Variants in DPP6 observed in about 807,000 individuals in gnomAD.
DPP6 encodes the protein A-type potassium channel modulatory protein DPP6.
In DPP6, 69 loss-of-function variants were observed where a neutral mutation model predicts 122.6. The ratio of observed to expected loss-of-function variants is 0.56; its 90% CI spans 0.46 to 0.69. The LOEUF (loss-of-function observed/expected upper bound fraction) is 0.69. Ranked by LOEUF, DPP6 falls within the 30% of genes least tolerant of loss-of-function variation. The pLI is 0.00. For synonymous variants in DPP6, 418 were observed against 433.1 expected (o/e 0.97, Z 0.43); for missense variants, 928 against 1,116.9 (o/e 0.83, Z 2.41).
intron 10 of DPP6, among the ~76,000 whole-genome samples, chr7:154,777,147 C>T (rs952781686): frequency 2.6e-5 from 4 of 152,154 alleles, no homozygotes; most frequent in Admixed American, 1.3e-4. Flanking sequence ...CTGTGTGAGG[C>T]CCTTGGGTGA....
At chr7:153,966,187 CATT>C in intron 1 of DPP6, among the ~76,000 whole-genome samples, 1 of 135,658 alleles carries the variant, frequency 7.4e-6, no homozygotes, top group East Asian at 2.3e-4. Context: ...GAATCTTTCA[CATT>C]GTGAGCTGAT....
At chr7:153,870,823 T>C in the DPP6 span, among the ~76,000 whole-genome samples, 2 of 152,096 alleles carry the variant, frequency 1.3e-5, no homozygotes, top group African/African-American at 4.8e-5. Context: ...TACAGATGGG[T>C]TTTTGGTGTG....
chr7:153,838,978 C>T, the DPP6 span, among the ~76,000 whole-genome samples: 1 of 152,116 alleles, frequency 6.6e-6, no homozygotes, highest in Non-Finnish European at 1.5e-5. Context: ...AGTTTCTAAA[C>T]GTTGTTGAAA....
At chr7:154,126,878 A>C (rs1226750958) in intron 1 of DPP6, among the ~76,000 whole-genome samples, 1 of 152,160 alleles carries the variant, frequency 6.6e-6, no homozygotes, top group African/African-American at 2.4e-5. Context: ...GTGTAATTTG[A>C]GTCAAAATAT....
chr7:153,984,518 T>A (rs184726537), intron 1 of DPP6, among the ~76,000 whole-genome samples: 2 of 152,312 alleles, frequency 1.3e-5, no homozygotes, highest in Non-Finnish European at 1.5e-5. Flanking sequence ...TGCATGAAAC[T>A]GCCTTGGAGC....
intron 1 of DPP6, among the ~76,000 whole-genome samples, chr7:154,098,654 A>G (rs1275573592): frequency 6.6e-6 from 1 of 151,574 alleles, no homozygotes; most frequent in Non-Finnish European, 1.5e-5. Context: ...GATGTGCCCC[A>G]TCTCTTTATG....
chr7:153,894,409 A>C (rs1359221395), intron 1 of DPP6, among the ~76,000 whole-genome samples: 1 of 152,180 alleles, frequency 6.6e-6, no homozygotes, highest in East Asian at 1.9e-4. Flanking sequence ...GAACATACTA[A>C]GCTCAGAACA....
chr7:154,702,989 G>A (rs893303176), intron 7 of DPP6, among the ~76,000 whole-genome samples: 1 of 152,184 alleles, frequency 6.6e-6, no homozygotes, highest in Non-Finnish European at 1.5e-5. Flanking sequence ...CGGAGCCAGT[G>A]CTCATTTACC....
intron 16 of DPP6, among the ~76,000 whole-genome samples, chr7:154,853,465 A>G (rs1325053231): frequency 6.6e-6 from 1 of 152,254 alleles, no homozygotes; most frequent in African/African-American, 2.4e-5. Flanking sequence ...GTATGGTAAA[A>G]ATGATGTTAT....
rs1202720341 is a variant in DPP6, at chr7:154,801,421, G to A, written c.1366G>A (p.Gly456Arg). ...FFFIRAIPQG[G>R]RGKFYHITVS... Reference sequence around the variant, plus strand: ...CTTCATCAGAGCCATCCCCCAGGGAGGACGAGGGAAATTCTATCACATCAC... The same window carrying A: ...CTTCATCAGAGCCATCCCCCAGGGAAGACGAGGGAAATTCTATCACATCAC... Residue 456 changes from glycine (G) to arginine (R), a missense_variant, in exon 13 of 26, where the codon GGA becomes AGA. Coordinates refer to ENST00000377770, the MANE Select transcript of DPP6 (RefSeq NM_130797.4). The A allele has an allele frequency of 6.3e-7, 1 of 1,594,710 alleles. No homozygotes were observed. The highest frequency in any genetic ancestry group is 1.7e-5 in the Admixed American group (1 of 57,784).
At chr7:154,405,636 G>T (rs989925940) in intron 1 of DPP6, among the ~76,000 whole-genome samples, 1 of 152,048 alleles carries the variant, frequency 6.6e-6, no homozygotes, top group Admixed American at 6.6e-5. Context: ...GGCTGAACAG[G>T]GCCAGGCAGT....
At chr7:154,479,871 A>G (rs185988762) in intron 3 of DPP6, among the ~76,000 whole-genome samples, 1 of 151,812 alleles carries the variant, frequency 6.6e-6, no homozygotes, top group African/African-American at 2.4e-5. Context: ...GATAATTGCA[A>G]ATCTCACCTT....
chr7:154,720,877 G>A (rs761017114), intron 7 of DPP6, among the ~76,000 whole-genome samples: 6 of 152,200 alleles, frequency 3.9e-5, no homozygotes, highest in African/African-American at 7.2e-5. Context: ...TGCAGTCACC[G>A]GGCAGCTGAC....
Position 154,855,537 on chromosome 7 carries a change from T to TG in DPP6, c.1714+1715dup, listed in dbSNP as rs542315671. Among the ~76,000 whole-genome samples, 42 of 152,284 alleles carry TG rather than the reference T, an allele frequency of 2.8e-4. 1 individual carries two copies. The highest frequency in any genetic ancestry group is 9.9e-4 in the African/African-American group (41 of 41,566). On this transcript the variant is annotated intron_variant, in intron 17 of 25. Transcript: ENST00000377770. Reference sequence around the variant, plus strand: ...TTGGGAATCTGGGCCATTTGAGCAATGGGGGCGGTATCCCCGGAAGGATGT... The same window carrying TG: ...TTGGGAATCTGGGCCATTTGAGCAATGGGGGGCGGTATCCCCGGAAGGATGT...
the DPP6 span, among the ~76,000 whole-genome samples, chr7:153,761,547 CA>C: frequency 6.6e-6 from 1 of 152,100 alleles, no homozygotes. Flanking sequence ...TTTCATCTTG[CA>C]ACAGCCACTG....
chr7:154,786,741 C>G (rs533116827), intron 10 of DPP6, among the ~76,000 whole-genome samples: 1 of 152,248 alleles, frequency 6.6e-6, no homozygotes, highest in South Asian at 2.1e-4. Context: ...TGCAAATCAC[C>G]TTTTTTCTTT....
the DPP6 span, among the ~76,000 whole-genome samples, chr7:153,822,090 C>G: frequency 6.6e-4 from 99 of 150,762 alleles, no homozygotes; most frequent in Non-Finnish European, 1.1e-3. Flanking sequence ...CTTATATATT[C>G]TATATCATTT....
In DPP6 at chr7:154,233,757, A is replaced by T. The variant is rs551575302; in HGVS notation, c.243+180694A>T. Among the ~76,000 whole-genome samples, 12 of 152,336 alleles carry T rather than the reference A, an allele frequency of 7.9e-5. No individual in the cohort carries two copies. In the South Asian group the frequency reaches 8.3e-4, roughly 11 times the overall value. ...TGATCTCAGACGTCTTGTCTCCAGAACCATGAGATGATAACTTTTCTGTTG... is the reference window on the plus strand; with the variant it reads ...TGATCTCAGACGTCTTGTCTCCAGATCCATGAGATGATAACTTTTCTGTTG... On this transcript the variant is annotated intron_variant, in intron 1 of 25. Transcript: ENST00000377770.
At chr7:154,288,375 A>T (rs1241314443) in intron 1 of DPP6, among the ~76,000 whole-genome samples, 5 of 152,218 alleles carry the variant, frequency 3.3e-5, no homozygotes, top group Non-Finnish European at 5.9e-5. Context: ...TCAGCTACCC[A>T]GGGTTCCCAC....
Sources: allele counts gnomAD v4.1 joint callset (sites outside exome capture counted in the v4.1 genomes callset), GRCh38; gene constraint gnomAD v4.1.1; transcripts MANE v1.5; gene names NCBI Gene and HGNC (gene_info 2026-07-23, HGNC 2026-07-21).